Variants in RBMS3 observed in about 807,000 individuals in gnomAD.
The protein encoded by RBMS3 is RNA binding motif single stranded interacting protein 3.
In RBMS3, 27 loss-of-function variants were observed where a neutral mutation model predicts 66.8. The ratio of observed to expected loss-of-function variants is 0.40; its 90% CI spans 0.30 to 0.56. The LOEUF is 0.56. Ranked by LOEUF, RBMS3 falls within the 20% of genes least tolerant of loss-of-function variation. The pLI is 0.40. For missense variants in RBMS3, 513 were observed against 549.5 expected (o/e 0.93, Z 0.66); for synonymous variants, 188 against 183.0 (o/e 1.03, Z -0.22).
At chr3:29,619,700 A>G (rs2048802100) in intron 4 of RBMS3, among the ~76,000 whole-genome samples, 2 of 152,182 alleles carry the variant, frequency 1.3e-5, no homozygotes, top group South Asian at 4.1e-4. Flanking sequence ...GAACATTCCA[A>G]AATTTCTGTG....
chr3:29,511,695 C>A (rs2044421097), intron 3 of RBMS3, among the ~76,000 whole-genome samples: 1 of 151,768 alleles, frequency 6.6e-6, no homozygotes, highest in African/African-American at 2.4e-5. Context: ...GAATAACACC[C>A]CTTTTGCCTT....
At chr3:29,565,209 G>A (rs557271401) in intron 3 of RBMS3, among the ~76,000 whole-genome samples, 2 of 152,262 alleles carry the variant, frequency 1.3e-5, no homozygotes, top group African/African-American at 4.8e-5. Flanking sequence ...CTTGTATATG[G>A]TATTTGATAA....
chr3:29,499,825 C>T (rs1355525879), intron 3 of RBMS3, among the ~76,000 whole-genome samples: 1 of 152,134 alleles, frequency 6.6e-6, no homozygotes, highest in East Asian at 1.9e-4. Context: ...TCTCAGATCT[C>T]GTCCACAATT....
At chr3:29,643,997 C>T (rs2049825021) in intron 4 of RBMS3, among the ~76,000 whole-genome samples, 1 of 152,172 alleles carries the variant, frequency 6.6e-6, no homozygotes, top group African/African-American at 2.4e-5. Flanking sequence ...TTCTCACACT[C>T]CAAAATTGAG....
At chr3:29,831,231 A>G (rs755902403) in intron 6 of RBMS3, among the ~76,000 whole-genome samples, 2 of 152,174 alleles carry the variant, frequency 1.3e-5, no homozygotes, top group Non-Finnish European at 2.9e-5. Flanking sequence ...CCAAAGATGA[A>G]TGAGTATATT....
intron 6 of RBMS3, among the ~76,000 whole-genome samples, chr3:29,819,483 AT>A (rs955909536): frequency 9.2e-5 from 14 of 152,320 alleles, no homozygotes; most frequent in African/African-American, 4.8e-5. Context: ...GTATTTTTAA[AT>A]TTTTTAAATA....
intron 14 of RBMS3, among the ~76,000 whole-genome samples, chr3:29,996,006 C>T (rs1412748400): frequency 1.3e-5 from 2 of 152,150 alleles, no homozygotes; most frequent in South Asian, 2.1e-4. Context: ...CATCAGTGTG[C>T]TGTATTCAGG....
chr3:29,933,175 T>C (rs1347908635), intron 10 of RBMS3, among the ~76,000 whole-genome samples: 1 of 152,166 alleles, frequency 6.6e-6, no homozygotes, highest in South Asian at 2.1e-4. Context: ...GTTGGCAACA[T>C]CTGTCACAAA....
At chr3:29,646,189 A>C (rs2049912665) in intron 4 of RBMS3, among the ~76,000 whole-genome samples, 2 of 152,234 alleles carry the variant, frequency 1.3e-5, no homozygotes, top group African/African-American at 4.8e-5. Context: ...CTCAATAGTT[A>C]CATAAAGGTA....
intron 1 of RBMS3, among the ~76,000 whole-genome samples, chr3:29,295,301 ATATC>A (rs1172642296): frequency 0.12 from 512 of 4,426 alleles, 8 homozygotes; most frequent in African/African-American, 0.23. Context: ...ATATACATAT[ATATC>A]TATATATATA....
chr3:29,604,197 T>C (rs535409998), intron 4 of RBMS3, among the ~76,000 whole-genome samples: 1 of 152,104 alleles, frequency 6.6e-6, no homozygotes, highest in African/African-American at 2.4e-5. Context: ...CTTAATTTTC[T>C]TGCTCTCCAT....
At chr3:29,454,004 T>C (rs886099787) in intron 2 of RBMS3, among the ~76,000 whole-genome samples, 4 of 152,138 alleles carry the variant, frequency 2.6e-5, no homozygotes, top group Non-Finnish European at 5.9e-5. Context: ...ATAGTAGCAA[T>C]AGGTGATCAC....
chr3:29,971,589 C>A (rs922017713), intron 12 of RBMS3, among the ~76,000 whole-genome samples: 7 of 151,990 alleles, frequency 4.6e-5, no homozygotes, highest in African/African-American at 1.7e-4. Context: ...TTTATGTTCT[C>A]CTTGAAAACC....
chr3:29,867,779 G>T (rs2059396483), intron 6 of RBMS3, among the ~76,000 whole-genome samples: 2 of 151,592 alleles, frequency 1.3e-5, no homozygotes, highest in Non-Finnish European at 2.9e-5. Context: ...AATTGGTCAA[G>T]AATTAGGGCC....
chr3:29,392,720 C>T (rs1401634470), intron 1 of RBMS3, among the ~76,000 whole-genome samples: 1 of 152,122 alleles, frequency 6.6e-6, no homozygotes, highest in East Asian at 1.9e-4. Flanking sequence ...CACAGACATA[C>T]ACACAGACAC....
chr3:29,516,548 A>G (rs1038451404), intron 3 of RBMS3, among the ~76,000 whole-genome samples: 4 of 152,040 alleles, frequency 2.6e-5, no homozygotes, highest in Non-Finnish European at 5.9e-5. Flanking sequence ...TGTAGCCAAG[A>G]CATCCCACTT....
At chr3:29,356,167 G>T (rs373209867) in intron 1 of RBMS3, among the ~76,000 whole-genome samples, 2 of 152,126 alleles carry the variant, frequency 1.3e-5, no homozygotes, top group East Asian at 3.8e-4. Flanking sequence ...GAATTCACAG[G>T]TAAGGTTTAC....
intron 1 of RBMS3, among the ~76,000 whole-genome samples, chr3:29,284,647 G>A (rs2032123405): frequency 6.6e-6 from 1 of 151,770 alleles, no homozygotes; most frequent in Non-Finnish European, 1.5e-5. Context: ...TCTCAACTTT[G>A]TTTCTTTAAA....
chr3:29,667,814 G>C (rs1287908938), intron 4 of RBMS3, among the ~76,000 whole-genome samples: 1 of 152,042 alleles, frequency 6.6e-6, no homozygotes, highest in East Asian at 1.9e-4. Context: ...AAGAGTTTAA[G>C]TTTAATATAA....
Sources: gnomAD v4.1 joint callset for allele counts (sites outside exome capture counted in the v4.1 genomes callset) on GRCh38, gnomAD v4.1.1 for gene constraint, MANE v1.5 for transcripts, NCBI Gene and HGNC (gene_info 2026-07-23, HGNC 2026-07-21) for gene names.